The following GAA variants were observed in gnomAD, a reference collection of about 807,000 sequenced individuals.
GAA encodes alpha glucosidase.
A neutral mutation model predicts 103.9 loss-of-function variants in GAA; 88 were observed. The observed-to-expected ratio is 0.85, with a 90% confidence interval of 0.71 to 1.01. The LOEUF (loss-of-function observed/expected upper bound fraction) is 1.01. GAA is among the 50% of genes least tolerant of loss of function. The probability of loss-of-function intolerance (pLI) is 0.00; values close to 1 mark genes in which losing one functional copy is unlikely to be tolerated. For missense variants in GAA, 1,350 were observed against 1,305.3 expected (o/e 1.03, Z -0.53); for synonymous variants, 572 against 563.1 (o/e 1.02, Z -0.22).
In GAA at chr17:80,117,605, A is replaced by G. The variant is rs1042838087; in HGVS notation, c.2337A>G (p.Pro779=). The change falls in exon 17 of 20, where the codon CCA becomes CCG. Residue 779 remains proline (P), a synonymous_variant. Coordinates refer to ENST00000302262, the MANE Select transcript of GAA (RefSeq NM_000152.5). ...LGTWYDLQTV[P]VEALGSLPPP... ...AAAGCAACATCTCCCTCCAGGTGCC[A>G]GTAGAGGCCCTTGGCAGCCTCCCAC... 2.5e-6 allele frequency: 4 copies of G among 1,612,838 alleles called. No individual in the cohort carries two copies. The highest frequency in any genetic ancestry group is 8.5e-7 in the Non-Finnish European group (1 of 1,179,962).
rs779194427 is a variant in GAA, at chr17:80,110,063, G to A, written c.1437+8G>A. The A allele has an allele frequency of 5.7e-5, 91 of 1,609,326 alleles. 1 individual carries two copies. The Middle Eastern group carries it at 6.6e-4, about 12-fold the overall frequency. The stretch of plus-strand genomic sequence containing the variant: ...CAGCCGCTGATTGGGAAGGTAGGGC[G>A]AGGGTCCAGGGGACGGGGGTTAGAA... On this transcript the variant is annotated splice_region_variant and intron_variant, in intron 9 of 19. Coordinates refer to ENST00000302262, the MANE Select transcript of GAA (RefSeq NM_000152.5).
In GAA at chr17:80,107,648, G is replaced by A. The variant is rs201896815; in HGVS notation, c.784G>A (p.Glu262Lys). 1.2e-5 allele frequency: 19 copies of A among 1,613,050 alleles called. No homozygotes were observed. Among genetic ancestry groups the A allele is most frequent in the East Asian group, 4.5e-5 (2 of 44,874 alleles). Residue 262 changes from glutamate to lysine, a missense_variant, in exon 4 of 20, where the codon GAG becomes AAG. Glu to Lys is a moderately conservative substitution (Grantham distance 56). Transcript: ENST00000302262. The stretch of plus-strand genomic sequence containing the variant: ...CTCGCAGTATATCACAGGCCTCGCC[G>A]AGCACCTCAGTCCCCTGATGCTCAG... ...LPSQYITGLAEHLSPLMLSTS... is the reference protein window; with the variant it reads ...LPSQYITGLAKHLSPLMLSTS...
Position 80,108,688 on chromosome 17 carries a change from T to G in GAA, c.1195-9T>G. On this transcript the variant is annotated splice_polypyrimidine_tract_variant and intron_variant, in intron 7 of 19. Transcript: ENST00000302262. ...GGCCCCAGCAGACGGTCCCGTGTTG[T>G]GGCTGCAGGACGTCCAGTGGAACGA... 1 of 1,612,708 alleles carries G rather than the reference T, an allele frequency of 6.2e-7. No homozygotes were observed. The highest frequency in any genetic ancestry group is 8.5e-7 in the Non-Finnish European group (1 of 1,179,956).
At chr17:80,110,233 G>A (rs2039199860) in intron 9 of GAA, among the ~76,000 whole-genome samples, 178 bp downstream of exon 9, 1 of 152,254 alleles carries the variant, frequency 6.6e-6, no homozygotes. Context: ...ATGGCCCCGT[G>A]AGTTCTTCCA....
chr17:80,109,466 C>G (rs1324608497), intron 8 of GAA, among the ~76,000 whole-genome samples: 5 of 152,160 alleles, frequency 3.3e-5, no homozygotes, highest in African/African-American at 4.8e-5. Flanking sequence ...GGAGGCAGGG[C>G]GAGCTGAAAA....
At chr17:80,108,919 T>A in intron 8 of GAA, 91 bp downstream of exon 8, 1 of 1,438,198 alleles carries the variant, frequency 7.0e-7, no homozygotes, top group Non-Finnish European at 9.4e-7. Flanking sequence ...CGTGCCTGTG[T>A]GGTCGCCGAG....
Position 80,104,448 on chromosome 17 carries a change from CTGGGTGCTGCAGTGCCAGCCGCGGTTGA to C in GAA, c.-32-104_-32-77del, listed in dbSNP as rs2039020242. The C allele has an allele frequency of 1.0e-5, 8 of 781,290 alleles. No individual in the cohort carries two copies. In the South Asian group the frequency reaches 1.4e-4, roughly 14 times the overall value. The allele number at this position is 781,290 out of a possible 1,614,324, so 48.4% of individuals were successfully genotyped here. A position where few individuals can be genotyped will look rare whatever the true frequency, so the allele number is the denominator to read the frequency against. On this transcript the variant is annotated intron_variant, in intron 1 of 19. Coordinates refer to ENST00000302262, the MANE Select transcript of GAA (RefSeq NM_000152.5). The surrounding 1 kb of genome is among the most constrained non-coding windows in gnomAD (Gnocchi z 4.0). ...ACCCTGGCCACCTTACCCCACCTGC[CTGGGTGCTGCAGTGCCAGCCGCGGTTGA>C]TGTCTCAGAGCTGCTTTGAGAGCCC...
At chr17:80,105,984 C>G (rs1423622133) in intron 3 of GAA, 90 bp downstream of exon 3, 3 of 1,477,134 alleles carry the variant, frequency 2.0e-6, no homozygotes, top group African/African-American at 1.4e-5. Flanking sequence ...GTTTCTCACA[C>G]GATGGGCAGG....
intron 15 of GAA, among the ~76,000 whole-genome samples, chr17:80,114,202 A>T (rs2039313886): frequency 6.6e-6 from 1 of 152,208 alleles, no homozygotes; most frequent in African/African-American, 2.4e-5. Flanking sequence ...CTGTAACAGC[A>T]GAGAAGGCAT....
chr17:80,113,853 A>G (rs1321229913), intron 15 of GAA, among the ~76,000 whole-genome samples: 1 of 143,832 alleles, frequency 7.0e-6, no homozygotes, highest in Non-Finnish European at 1.5e-5. Context: ...ACCCATCTCT[A>G]CTAAAAATAC....
At chr17:80,118,070 G>A in intron 17 of GAA, 123 bp from the exon 18 acceptor site, 1 of 1,149,754 alleles carries the variant, frequency 8.7e-7, no homozygotes, top group South Asian at 1.5e-5. Context: ...GCGGCCGCAG[G>A]TGTTCCTGCA....
At position 80,105,788 on chromosome 17, in the gene GAA, G is replaced by C. The variant is rs1470758037; in HGVS notation, c.586G>C (p.Glu196Gln). 1 of 1,612,170 alleles carries C rather than the reference G, an allele frequency of 6.2e-7. No homozygotes were observed. The highest frequency in any genetic ancestry group is 8.5e-7 in the Non-Finnish European group (1 of 1,180,004). Residue 196 changes from glutamate (E) to glutamine (Q), a missense_variant, in exon 3 of 20, where the codon GAG (glutamate) becomes CAG (glutamine). Transcript: ENST00000302262. ...PANRRYEVPL[E>Q]TPHVHSRAPS... ...TAACAGGCGCTACGAGGTGCCCTTG[G>C]AGACCCCGCATGTCCACAGCCGGGC...
rs886053547 is a variant in GAA, at chr17:80,119,263, C to T, written c.2800-9C>T. 2 of 1,613,870 alleles carry T rather than the reference C, an allele frequency of 1.2e-6. No individual in the cohort carries two copies. The highest frequency in any genetic ancestry group is 1.1e-5 in the South Asian group (1 of 91,068). Reference sequence around the variant, plus strand: ...TCGGGCTGCTCCATTTGTGCTCTCTCTTTTCCAGGTCCTGGACATCTGTGT... The same window carrying T: ...TCGGGCTGCTCCATTTGTGCTCTCTTTTTTCCAGGTCCTGGACATCTGTGT... On this transcript the variant is annotated splice_polypyrimidine_tract_variant and intron_variant, in intron 19 of 19. Transcript: ENST00000302262.
chr17:80,118,052 C>T lies in GAA; in HGVS notation c.2482-141C>T, dbSNP rs141891764. 17 of 1,006,004 alleles carry T rather than the reference C, an allele frequency of 1.7e-5. No homozygotes were observed. The East Asian group carries it at 4.4e-4, about 26-fold the overall frequency. The allele number at this position is 1,006,004 out of a possible 1,614,324, so 62.3% of individuals were successfully genotyped here. ...GTCTTGGGTCATCACCACGGGGTTCCAGCCCCTGCGGCCGCAGGTGTTCCT... is the reference window on the plus strand; with the variant it reads ...GTCTTGGGTCATCACCACGGGGTTCTAGCCCCTGCGGCCGCAGGTGTTCCT... On this transcript the variant is annotated intron_variant, in intron 17 of 19. Transcript: ENST00000302262.
Position 80,118,337 on chromosome 17 carries a change from G to T in GAA, c.2626G>T (p.Val876Phe). The change falls in exon 18 of 20, where the codon GTC becomes TTC. Residue 876 changes from valine (V) to phenylalanine (F), a missense_variant. By Grantham distance (50) the Val-to-Phe change is conservative. Coordinates refer to ENST00000302262, the MANE Select transcript of GAA (RefSeq NM_000152.5). ...EVLERGAYTQVIFLARNNTIV... is the reference protein window; with the variant it reads ...EVLERGAYTQFIFLARNNTIV... ...GCTGGAGCGAGGGGCCTACACACAG[G>T]TCATCTTCCTGGCCAGGAATGTGAG... The T allele has an allele frequency of 6.4e-7, 1 of 1,568,382 alleles. No homozygotes were observed. The highest frequency in any genetic ancestry group is 8.7e-7 in the Non-Finnish European group (1 of 1,155,620).
chr17:80,117,946 A>G (rs1191030293), intron 17 of GAA, among the ~76,000 whole-genome samples, 197 bp downstream of exon 17: 1 of 152,152 alleles, frequency 6.6e-6, no homozygotes, highest in Non-Finnish European at 1.5e-5. Context: ...CATGGCCGGC[A>G]GGAGCTCAGT....
Position 80,112,063 on chromosome 17 carries a change from A to G in GAA, c.1717A>G (p.Asn573Asp). ...QFLSTHYNLH[N>D]LYGLTEAIAS... is the part of the protein sequence containing the mutation. ...TCTCTCCACACACTACAACCTGCAC[A>G]ACCTCTACGGCCTGACCGAAGCCAT... is the stretch of plus-strand genomic sequence containing the variant. The change falls in exon 12 of 20, where the codon AAC becomes GAC. Residue 573 changes from asparagine (N) to aspartate (D), a missense_variant. Physicochemically the swap from Asn to Asp is conservative, Grantham distance 23 (BLOSUM62 1). Transcript: ENST00000302262. 6.2e-7 allele frequency: 1 copy of G among 1,614,066 alleles called. No homozygotes were observed. The highest frequency in any genetic ancestry group is 8.5e-7 in the Non-Finnish European group (1 of 1,179,970).
intron 17 of GAA, 146 bp downstream of exon 17, chr17:80,117,895 C>A: frequency 1.1e-6 from 1 of 880,864 alleles, no homozygotes; most frequent in Non-Finnish European, 1.7e-6. Flanking sequence ...GCCAGCCAGG[C>A]CAGTGAGGTG....
At chr17:80,105,204 A>C in intron 2 of GAA, 72 bp downstream of exon 2, 3 of 1,427,698 alleles carry the variant, frequency 2.1e-6, no homozygotes, top group Non-Finnish European at 2.9e-6. Context: ...CACGCACCTC[A>C]CAAGGGTGGG....
Sources: gnomAD v4.1 joint callset for allele counts (sites outside exome capture counted in the v4.1 genomes callset) on GRCh38, gnomAD v4.1.1 for gene constraint, Gnocchi (gnomAD v3.1) non-coding constraint, MANE v1.5 for transcripts, NCBI Gene and HGNC (gene_info 2026-07-23, HGNC 2026-07-21) for gene names.